The following EEIG1 variants were observed in gnomAD, a reference collection of about 807,000 sequenced individuals.
EEIG1 encodes the protein early estrogen-induced gene 1 protein.
At chr9:127,970,010 T>C in the EEIG1 span, among the ~76,000 whole-genome samples, 7 of 152,078 alleles carry the variant, frequency 4.6e-5, no homozygotes, top group Non-Finnish European at 2.9e-5. Context: ...CAGCAGAATA[T>C]TACAGGCCCC....
At chr9:127,980,124 A>G in the EEIG1 span, 33 of 1,612,942 alleles carry the variant, frequency 2.0e-5, no homozygotes, top group South Asian at 3.2e-4. Flanking sequence ...CTTCTTCTTC[A>G]TCAAGAAAGC....
chr9:127,953,899 C>T, the EEIG1 span: 5 of 1,613,928 alleles, frequency 3.1e-6, no homozygotes, highest in Admixed American at 1.7e-5. Context: ...CTTTCGCCAC[C>T]GCACACAGTT....
chr9:127,969,426 A>G, the EEIG1 span, among the ~76,000 whole-genome samples: 1 of 152,324 alleles, frequency 6.6e-6, no homozygotes, highest in East Asian at 1.9e-4. Flanking sequence ...GGCCCTTACA[A>G]TAACTGCCCT....
chr9:127,980,119 T>C, the EEIG1 span: 5 of 1,613,132 alleles, frequency 3.1e-6, no homozygotes, highest in Non-Finnish European at 3.4e-6. Flanking sequence ...AATTTCTTCT[T>C]CTTCATCAAG....
the EEIG1 span, chr9:127,950,283 A>C: frequency 1.3e-6 from 1 of 789,074 alleles, no homozygotes; most frequent in Non-Finnish European, 2.0e-6. Flanking sequence ...TCCTGATTCC[A>C]GGGCTCGCCC....
At chr9:127,944,251 A>T in the EEIG1 span, 1 of 359,550 alleles carries the variant, frequency 2.8e-6, no homozygotes, top group Non-Finnish European at 5.2e-6. Context: ...ATGAGGCATC[A>T]CCACCACCAT....
the EEIG1 span, among the ~76,000 whole-genome samples, chr9:127,961,448 G>A: frequency 6.6e-6 from 1 of 152,220 alleles, no homozygotes; most frequent in Non-Finnish European, 1.5e-5. Context: ...GGTCAGGACT[G>A]AGGACATCTC....
chr9:127,967,134 G>A, the EEIG1 span, among the ~76,000 whole-genome samples: 1 of 152,206 alleles, frequency 6.6e-6, no homozygotes, highest in Admixed American at 6.5e-5. Flanking sequence ...GGCCAATGGG[G>A]TGTGGCTCTG....
the EEIG1 span, chr9:127,953,534 C>G: frequency 6.3e-7 from 1 of 1,599,786 alleles, no homozygotes; most frequent in Non-Finnish European, 8.6e-7. Flanking sequence ...CCATGCCACC[C>G]CCCATTCCAT....
the EEIG1 span, chr9:127,972,658 G>T: frequency 3.3e-5 from 5 of 152,368 alleles, no homozygotes; most frequent in African/African-American, 1.2e-4. The surrounding 1 kb of genome is among the most constrained non-coding windows in gnomAD (Gnocchi z 4.3). Context: ...CTGGAGGCAG[G>T]GAGGCAACAA....
chr9:127,946,298 A>G, the EEIG1 span, among the ~76,000 whole-genome samples: 6 of 152,228 alleles, frequency 3.9e-5, no homozygotes, highest in South Asian at 1.0e-3. Flanking sequence ...CCAAAGGGAC[A>G]GGCCCACAGT....
At chr9:127,954,935 C>A in the EEIG1 span, among the ~76,000 whole-genome samples, 1 of 152,204 alleles carries the variant, frequency 6.6e-6, no homozygotes, top group Non-Finnish European at 1.5e-5. Flanking sequence ...GCAGCTCATC[C>A]AAGCCCCTCC....
At chr9:127,972,284 C>G in the EEIG1 span, among the ~76,000 whole-genome samples, 1 of 152,102 alleles carries the variant, frequency 6.6e-6, no homozygotes, top group African/African-American at 2.4e-5. The surrounding 1 kb of genome is among the most constrained non-coding windows in gnomAD (Gnocchi z 4.3). Flanking sequence ...GCTCAGACAC[C>G]CGGTGTGCTC....
the EEIG1 span, among the ~76,000 whole-genome samples, chr9:127,978,933 AT>A: frequency 1.3e-5 from 2 of 151,942 alleles, no homozygotes; most frequent in East Asian, 1.9e-4. Context: ...ATGAGAATTG[AT>A]TGAACCCGGG....
At chr9:127,966,855 C>T in the EEIG1 span, among the ~76,000 whole-genome samples, 1 of 152,356 alleles carries the variant, frequency 6.6e-6, no homozygotes, top group African/African-American at 2.4e-5. Context: ...GCAGTCGCTG[C>T]AGGTCACATG....
At chr9:127,979,955 C>T in the EEIG1 span, 2 of 1,593,960 alleles carry the variant, frequency 1.3e-6, no homozygotes, top group Non-Finnish European at 1.7e-6. Flanking sequence ...TCGCTCATCA[C>T]CCCCGCTGCT....
the EEIG1 span, among the ~76,000 whole-genome samples, chr9:127,960,621 C>G: frequency 6.6e-6 from 1 of 152,086 alleles, no homozygotes; most frequent in African/African-American, 2.4e-5. Flanking sequence ...GGAGGCAGCT[C>G]GGTGCTCTGG....
chr9:127,967,790 T>C, the EEIG1 span, among the ~76,000 whole-genome samples: 9 of 151,664 alleles, frequency 5.9e-5, no homozygotes, highest in Admixed American at 3.3e-4. Context: ...TCTCACAGAG[T>C]TGCTACAGGA....
the EEIG1 span, among the ~76,000 whole-genome samples, chr9:127,970,913 A>G: frequency 6.6e-6 from 1 of 152,056 alleles, no homozygotes; most frequent in African/African-American, 2.4e-5. Flanking sequence ...CATAGCACTG[A>G]TTGGATTTGC....
Sources: gnomAD v4.1 joint callset for allele counts (sites outside exome capture counted in the v4.1 genomes callset) on GRCh38, gnomAD v4.1.1 for gene constraint, Gnocchi (gnomAD v3.1) non-coding constraint, MANE v1.5 for transcripts, NCBI Gene and HGNC (gene_info 2026-07-23, HGNC 2026-07-21) for gene names.